Variants in HECW2 observed in about 807,000 individuals in gnomAD.
HECW2 encodes the protein E3 ubiquitin-protein ligase HECW2.
Under a neutral mutation model 175.2 loss-of-function variants are expected in HECW2, and 61 were observed. The observed-to-expected ratio is 0.35, with a 90% CI of 0.28 to 0.43. The LOEUF is 0.43. Among genes scored for constraint, HECW2 ranks in the 20% least tolerant of loss-of-function variants. The pLI is 1.00. For missense variants in HECW2, 1,524 were observed against 2,000.5 expected, an observed-to-expected ratio of 0.76 and a Z score of 4.54; for synonymous variants, 671 against 731.0, an observed-to-expected ratio of 0.92 and a Z score of 1.32.
intron 1 of HECW2, among the ~76,000 whole-genome samples, chr2:196,522,576 T>C (rs532097972): frequency 4.6e-5 from 7 of 152,290 alleles, no homozygotes; most frequent in Admixed American, 3.9e-4. Flanking sequence ...TGAATGGTAA[T>C]GCCTAGGTTT....
At chr2:196,524,646 G>A (rs1330868455) in intron 1 of HECW2, among the ~76,000 whole-genome samples, 1 of 108,702 alleles carries the variant, frequency 9.2e-6, no homozygotes, top group Non-Finnish European at 1.7e-5. Flanking sequence ...ACACTGCTTT[G>A]AATGTGTCCC....
chr2:196,287,666 T>C (rs1388193227), intron 14 of HECW2, among the ~76,000 whole-genome samples: 1 of 152,236 alleles, frequency 6.6e-6, no homozygotes, highest in South Asian at 2.1e-4. Flanking sequence ...TTCTCTCAGT[T>C]TGACTCTCTG....
rs768416431 is a variant in HECW2 at position 196,255,147 on chromosome 2, A to ATTTTTTTTTT, written c.3420-1128_3420-1119dup. Among the ~76,000 whole-genome samples, 128 of 95,318 alleles carry ATTTTTTTTTT rather than the reference A, an allele frequency of 1.3e-3. 2 individuals carry two copies. The highest frequency in any genetic ancestry group is 4.0e-3 in the East Asian group (12 of 3,036). 62.5% of individuals were successfully genotyped at this position (95,318 alleles called of 152,430 possible). A position where few individuals can be genotyped will look rare whatever the true frequency, so the allele number is the denominator to read the frequency against. On this transcript the variant is annotated intron_variant, in intron 18 of 28. Transcript: ENST00000644978. Reference sequence around the variant, plus strand: ...GTCACCACGTTCAGCTAATTTTTCTATTTTTTTTTTTTTTTTTTTTTTTAG... The same window carrying ATTTTTTTTTT: ...GTCACCACGTTCAGCTAATTTTTCTATTTTTTTTTTTTTTTTTTTTTTTTTTTTTTTTTAG...
In HECW2 at chr2:196,200,473, T is replaced by A. The variant is rs993684987; in HGVS notation, c.*804A>T. The stretch of plus-strand genomic sequence containing the variant: ...CATGATAGGTAGGTTCTTATATACA[T>A]CTTAAAGAACATAAACATAATGAAC... On this transcript the variant is annotated 3_prime_UTR_variant, in exon 29 of 29. Transcript: ENST00000644978. 1 of 152,620 alleles carries A rather than the reference T, an allele frequency of 6.6e-6. No homozygotes were observed. Among genetic ancestry groups the A allele is most frequent in the African/African-American group, 2.4e-5 (1 of 41,456 alleles). 9.5% of individuals were successfully genotyped at this position (152,620 alleles called of 1,614,324 possible).
At chr2:196,592,211 C>T (rs886762087) in intron 1 of HECW2, among the ~76,000 whole-genome samples, 15 of 152,054 alleles carry the variant, frequency 9.9e-5, no homozygotes, top group Non-Finnish European at 4.4e-5. Context: ...AAATCATAAC[C>T]CAAAAGCTAA....
At chr2:196,457,930 C>G (rs1696578635) in intron 1 of HECW2, among the ~76,000 whole-genome samples, 1 of 152,044 alleles carries the variant, frequency 6.6e-6, no homozygotes, top group Admixed American at 6.6e-5. Flanking sequence ...AACAAATAAT[C>G]AAAAGGGATA....
At chr2:196,243,004 TTTTAGA>T (rs1219735054) in intron 19 of HECW2, among the ~76,000 whole-genome samples, 3 of 152,146 alleles carry the variant, frequency 2.0e-5, no homozygotes, top group Non-Finnish European at 4.4e-5. Context: ...ACAAAACTTC[TTTTAGA>T]TATGCACTAT....
rs987150625 is a variant in HECW2, at chr2:196,319,031, G to C, written c.1859C>G (p.Ala620Gly). Reference protein sequence around the residue: ...VSSETEPSDPARTESVSEAST... With the variant: ...VSSETEPSDPGRTESVSEAST... Reference sequence around the variant, plus strand: ...GGCTTCGCTCACACTCTCTGTCCTGGCAGGATCACTGGGTTCTGTTTCAGA... The same window carrying C: ...GGCTTCGCTCACACTCTCTGTCCTGCCAGGATCACTGGGTTCTGTTTCAGA... Residue 620 changes from alanine to glycine, a missense_variant, in exon 9 of 29, where the codon GCC becomes GGC. Physicochemically the swap from Ala to Gly is moderately conservative, Grantham distance 60. This residue lies in a region of HECW2 where 604 missense variants were observed against 588.3 expected (regional missense o/e 1.03). Coordinates refer to ENST00000644978, the MANE Select transcript of HECW2 (RefSeq NM_001348768.2). 5.6e-6 allele frequency: 9 copies of C among 1,613,724 alleles called. No homozygotes were observed. The highest frequency in any genetic ancestry group is 1.6e-4 in the Middle Eastern group (1 of 6,084).
intron 1 of HECW2, among the ~76,000 whole-genome samples, chr2:196,541,518 TA>T (rs1173765971): frequency 1.3e-5 from 2 of 152,134 alleles, no homozygotes; most frequent in Non-Finnish European, 2.9e-5. Context: ...TAAGTCCTTT[TA>T]CTAATGATGA....
At chr2:196,493,277 A>C (rs1272573442) in intron 1 of HECW2, 1 of 152,236 alleles carries the variant, frequency 6.6e-6, no homozygotes, top group East Asian at 1.9e-4. Context: ...GCTGAGGTGG[A>C]GAATCACTTG....
intron 1 of HECW2, among the ~76,000 whole-genome samples, chr2:196,523,896 T>A (rs1688522898): frequency 6.6e-6 from 1 of 152,206 alleles, no homozygotes; most frequent in East Asian, 1.9e-4. Flanking sequence ...TATTGAGGAT[T>A]TCTGCATGAA....
intron 1 of HECW2, among the ~76,000 whole-genome samples, chr2:196,566,201 T>C (rs1001880154): frequency 5.0e-4 from 76 of 151,962 alleles, no homozygotes; most frequent in African/African-American, 1.8e-3. Context: ...AACCTACTTA[T>C]GCTTTATCTA....
chr2:196,246,638 C>T (rs189851547), intron 19 of HECW2, among the ~76,000 whole-genome samples: 12 of 152,164 alleles, frequency 7.9e-5, no homozygotes, highest in Non-Finnish European at 1.6e-4. Context: ...GATCCACCCC[C>T]CTCAGCCTCC....
At position 196,319,636 on chromosome 2, in the gene HECW2, A is replaced by T; in HGVS notation, c.1254T>A (p.Asp418Glu). The T allele has an allele frequency of 6.2e-7, 1 of 1,614,216 alleles. No homozygotes were observed. Among genetic ancestry groups the T allele is most frequent in the East Asian group, 2.2e-5 (1 of 44,882 alleles). Residue 418 changes from aspartate to glutamate, a missense_variant, in exon 9 of 29, where the codon GAT becomes GAA. Around this residue, in one of 11 missense-constraint regions of HECW2, gnomAD observed 604 missense variants for 588.3 expected, o/e 1.03. Coordinates refer to ENST00000644978, the MANE Select transcript of HECW2 (RefSeq NM_001348768.2). ...CATTGTGTTCGATAGCATCTAAGTA[A>T]TCATTGAGTGAATCCTGACGTCCTC... ...PPRGRQDSLN[D>E]YLDAIEHNGH... is the part of the protein sequence containing the mutation.
At chr2:196,392,185 T>C (rs1694532564) in intron 2 of HECW2, among the ~76,000 whole-genome samples, 2 of 152,216 alleles carry the variant, frequency 1.3e-5, no homozygotes, top group Admixed American at 6.5e-5. Context: ...AAATAAATTA[T>C]ATTAAGATTG....
chr2:196,503,094 G>A (rs1438741503), intron 1 of HECW2, among the ~76,000 whole-genome samples: 2 of 152,002 alleles, frequency 1.3e-5, no homozygotes, highest in African/African-American at 4.8e-5. Flanking sequence ...CATAATCATG[G>A]GCACCTGTGC....
Position 196,430,099 on chromosome 2 carries a change from T to C in HECW2, c.292+3033A>G, listed in dbSNP as rs898312033. On this transcript the variant is annotated intron_variant, in intron 2 of 28. Transcript: ENST00000644978. Reference sequence around the variant, plus strand: ...CTGCTCAGGAGTAAGCAGAATGTACTAATATAAGGCCTACCATACACTGAT... The same window carrying C: ...CTGCTCAGGAGTAAGCAGAATGTACCAATATAAGGCCTACCATACACTGAT... 4.6e-5 allele frequency among the ~76,000 whole-genome samples: 7 copies of C among 152,294 alleles called. No homozygotes were observed. The South Asian group carries it at 6.2e-4, about 14-fold the overall frequency.
intron 10 of HECW2, among the ~76,000 whole-genome samples, chr2:196,314,966 G>GAGGACAGACAAGTAGCA (rs1691633943): frequency 6.6e-6 from 1 of 152,158 alleles, no homozygotes; most frequent in South Asian, 2.1e-4. Context: ...CAGCTGAGGT[G>GAGGACAGACAAGTAGCA]AGGACAGACA....
intron 2 of HECW2, among the ~76,000 whole-genome samples, chr2:196,378,992 G>A (rs1214219260): frequency 6.6e-6 from 1 of 151,720 alleles, no homozygotes; most frequent in Admixed American, 6.6e-5. Context: ...ACATTAACTT[G>A]ATGATATTCA....
Sources: gnomAD v4.1 joint callset for allele counts (sites outside exome capture counted in the v4.1 genomes callset) on GRCh38, gnomAD v4.1.1 for gene constraint, gnomAD v4.1.1 regional missense constraint, MANE v1.5 for transcripts, NCBI Gene and HGNC (gene_info 2026-07-23, HGNC 2026-07-21) for gene names.